Variants in PAK1 observed in about 807,000 individuals in gnomAD.
The protein encoded by PAK1 is serine/threonine-protein kinase PAK 1.
In PAK1, 29 loss-of-function variants were observed where a neutral mutation model predicts 67.4. That is an observed-to-expected ratio of 0.43 (90% CI 0.32 to 0.59). PAK1 has a LOEUF of 0.59. PAK1 is among the 20% of genes least tolerant of loss of function. PAK1 has a pLI of 0.07. For missense variants in PAK1, 337 were observed against 670.7 expected (o/e 0.50, Z 5.50); for synonymous variants, 223 against 237.4 (o/e 0.94, Z 0.56).
the PAK1 span, among the ~76,000 whole-genome samples, chr11:77,493,472 T>C: frequency 2.8e-5 from 4 of 145,058 alleles, no homozygotes; most frequent in African/African-American, 1.0e-4. Flanking sequence ...TTTTTTTTTT[T>C]TTAGTAGAGA....
intron 11 of PAK1, among the ~76,000 whole-genome samples, chr11:77,337,780 G>GA (rs1942954232): frequency 6.6e-6 from 1 of 152,080 alleles, no homozygotes; most frequent in African/African-American, 2.4e-5. Flanking sequence ...CAGACCAGAG[G>GA]AAAACAACAA....
chr11:77,366,429 T>TACACATACAGATTCATAC (rs1266737473), intron 5 of PAK1, among the ~76,000 whole-genome samples: 2 of 152,178 alleles, frequency 1.3e-5, no homozygotes, highest in Non-Finnish European at 2.9e-5. Flanking sequence ...CACACACATA[T>TACACATACAGATTCATAC]ACACATACAG....
chr11:77,332,600 AGAGT>A, intron 14 of PAK1, 126 bp downstream of exon 14: 1 of 715,726 alleles, frequency 1.4e-6, no homozygotes. Flanking sequence ...CAGTAGGAAC[AGAGT>A]GAGTGTAGGA....
At chr11:77,356,404 C>A (rs2136528025) in intron 6 of PAK1, 1 of 152,412 alleles carries the variant, frequency 6.6e-6, no homozygotes, top group East Asian at 1.9e-4. Context: ...AGGGAAGGAA[C>A]TACTTTTGTT....
chr11:77,445,608 T>C (rs1956560276), intron 1 of PAK1, among the ~76,000 whole-genome samples: 1 of 152,242 alleles, frequency 6.6e-6, no homozygotes, highest in African/African-American at 2.4e-5. Flanking sequence ...CAACAACCAC[T>C]GTTGTTTTAG....
At chr11:77,451,536 C>T (rs1275021904) in intron 1 of PAK1, among the ~76,000 whole-genome samples, 1 of 152,130 alleles carries the variant, frequency 6.6e-6, no homozygotes, top group Non-Finnish European at 1.5e-5. Flanking sequence ...ATGAAGGCTC[C>T]TATGTCATGT....
intron 4 of PAK1, among the ~76,000 whole-genome samples, chr11:77,378,586 T>TC (rs1248994482): frequency 1.3e-5 from 2 of 152,174 alleles, no homozygotes; most frequent in Non-Finnish European, 2.9e-5. Flanking sequence ...CACTTATTTC[T>TC]CACTATAACC....
At chr11:77,457,738 GA>G (rs760709019) in intron 1 of PAK1, among the ~76,000 whole-genome samples, 7 of 152,306 alleles carry the variant, frequency 4.6e-5, no homozygotes, top group Non-Finnish European at 1.0e-4. Flanking sequence ...GAATTACAAT[GA>G]GAATAACAGC....
At chr11:77,391,278 A>G (rs2137406706) in intron 2 of PAK1, among the ~76,000 whole-genome samples, 1 of 152,338 alleles carries the variant, frequency 6.6e-6, no homozygotes, top group Non-Finnish European at 1.5e-5. Context: ...AGACAGAGAC[A>G]AAGGAGTAAA....
the PAK1 span, among the ~76,000 whole-genome samples, chr11:77,514,467 C>T: frequency 2.0e-5 from 3 of 152,168 alleles, no homozygotes; most frequent in African/African-American, 4.8e-5. Context: ...CGCACACCAG[C>T]CTGGGCGACA....
At chr11:77,468,722 A>C (rs956906982) in intron 1 of PAK1, among the ~76,000 whole-genome samples, 10 of 152,210 alleles carry the variant, frequency 6.6e-5, no homozygotes, top group Admixed American at 3.3e-4. Context: ...ATTAGGAACC[A>C]ATTTAAAAGA....
chr11:77,327,856 C>G (rs1307428523), intron 14 of PAK1, among the ~76,000 whole-genome samples: 5 of 152,132 alleles, frequency 3.3e-5, no homozygotes, highest in African/African-American at 1.2e-4. Flanking sequence ...GATAAAGAGT[C>G]AGGACTCATC....
chr11:77,349,792 T>A (rs565178476), intron 8 of PAK1, among the ~76,000 whole-genome samples: 1 of 151,718 alleles, frequency 6.6e-6, no homozygotes, highest in Non-Finnish European at 1.5e-5. Context: ...ATTAGATCTA[T>A]GATTTTCAAC....
the PAK1 span, among the ~76,000 whole-genome samples, chr11:77,480,221 A>T: frequency 6.6e-6 from 1 of 152,062 alleles, no homozygotes; most frequent in African/African-American, 2.4e-5. Flanking sequence ...ACATAGCTGC[A>T]TATCTTGCTC....
intron 1 of PAK1, among the ~76,000 whole-genome samples, chr11:77,451,597 G>GTTTTTTT (rs149904004): frequency 6.8e-6 from 1 of 148,132 alleles, no homozygotes; most frequent in African/African-American, 2.5e-5. Context: ...AATGTCTTTT[G>GTTTTTTT]TTTTTTTTTG....
the PAK1 span, among the ~76,000 whole-genome samples, chr11:77,514,492 CT>C: frequency 6.6e-6 from 1 of 152,174 alleles, no homozygotes; most frequent in East Asian, 1.9e-4. Context: ...AAAACTCCAT[CT>C]CAAAATAAAT....
intron 9 of PAK1, among the ~76,000 whole-genome samples, chr11:77,347,571 T>A (rs1020328815): frequency 7.2e-5 from 11 of 152,208 alleles, no homozygotes; most frequent in African/African-American, 2.7e-4. Context: ...ATGATAATAT[T>A]ATCCTTCCTT....
intron 1 of PAK1, among the ~76,000 whole-genome samples, chr11:77,440,186 T>C (rs1956292770): frequency 6.6e-6 from 1 of 152,228 alleles, no homozygotes; most frequent in African/African-American, 2.4e-5. Flanking sequence ...TACTCTGCTA[T>C]AAAATGGTAT....
At chr11:77,502,158 C>T in the PAK1 span, among the ~76,000 whole-genome samples, 4 of 152,034 alleles carry the variant, frequency 2.6e-5, no homozygotes, top group Non-Finnish European at 4.4e-5. Flanking sequence ...TTGTATCCTG[C>T]TTTTGTGTGC....
Sources: gnomAD v4.1 joint callset for allele counts (sites outside exome capture counted in the v4.1 genomes callset) on GRCh38, gnomAD v4.1.1 for gene constraint, MANE v1.5 for transcripts, NCBI Gene and HGNC (gene_info 2026-07-23, HGNC 2026-07-21) for gene names.